The following KIF6 variants were observed in gnomAD, a reference collection of about 807,000 sequenced individuals.
The protein encoded by KIF6 is kinesin-like protein KIF6.
Under a neutral mutation model 112.7 loss-of-function variants are expected in KIF6, and 106 were observed. That is an observed-to-expected ratio of 0.94 (90% CI 0.80 to 1.11). The LOEUF is 1.11. Among genes scored for constraint, KIF6 ranks in the 50% least tolerant of loss-of-function variants. The pLI is 0.00. For missense variants in KIF6, 929 were observed against 964.0 expected (o/e 0.96, Z 0.48); for synonymous variants, 339 against 339.9 (o/e 1.00, Z 0.03).
chr6:39,419,009 C>T (rs1401601181), intron 15 of KIF6, among the ~76,000 whole-genome samples: 1 of 151,946 alleles, frequency 6.6e-6, no homozygotes, highest in Non-Finnish European at 1.5e-5. Flanking sequence ...AGATGGGTCT[C>T]TGTGGTATCT....
At chr6:39,652,125 A>G (rs911136874) in intron 3 of KIF6, among the ~76,000 whole-genome samples, 25 of 152,196 alleles carry the variant, frequency 1.6e-4, no homozygotes, top group African/African-American at 6.0e-4. Context: ...AGAAGGGAAT[A>G]GTGTTCACAA....
rs556633990 is a variant in KIF6, at chr6:39,578,216, G to A, written c.1078-57C>T. ...AACTTCTCATTAAGGTGAACTTGGT[G>A]ACAGAGAACATACAGCTCTTAAAAT... On this transcript the variant is annotated intron_variant, in intron 9 of 22. Coordinates refer to ENST00000287152, the MANE Select transcript of KIF6 (RefSeq NM_145027.6). 58 of 1,120,378 alleles carry A rather than the reference G, an allele frequency of 5.2e-5. No individual in the cohort carries two copies. In the African/African-American group the frequency reaches 8.5e-4, roughly 16 times the overall value. The allele number at this position is 1,120,378 out of a possible 1,614,324, so 69.4% of individuals were successfully genotyped here. A position where few individuals can be genotyped will look rare whatever the true frequency, so the allele number is the denominator to read the frequency against.
At chr6:39,533,419 A>T (rs923821931) in intron 13 of KIF6, among the ~76,000 whole-genome samples, 6 of 152,220 alleles carry the variant, frequency 3.9e-5, no homozygotes, top group African/African-American at 7.2e-5. Context: ...CTAGCACAGC[A>T]GCCTGAGATC....
intron 5 of KIF6, among the ~76,000 whole-genome samples, chr6:39,626,470 C>T (rs546397668): frequency 5.3e-5 from 8 of 152,216 alleles, no homozygotes; most frequent in East Asian, 1.9e-4. Flanking sequence ...TAATGGAACA[C>T]GGTTAATATC....
intron 19 of KIF6, among the ~76,000 whole-genome samples, chr6:39,347,424 G>T (rs943411277): frequency 6.6e-6 from 1 of 152,214 alleles, no homozygotes; most frequent in African/African-American, 2.4e-5. Context: ...CCTTGCCTTG[G>T]ATTCCTGGCC....
intron 19 of KIF6, among the ~76,000 whole-genome samples, chr6:39,348,605 C>T (rs1399582077): frequency 1.3e-5 from 2 of 152,152 alleles, no homozygotes; most frequent in Non-Finnish European, 2.9e-5. Flanking sequence ...CATGTTGACG[C>T]CCCTCTGGAG....
chr6:39,654,243 A>C (rs1189595497), intron 3 of KIF6, among the ~76,000 whole-genome samples: 3 of 152,102 alleles, frequency 2.0e-5, no homozygotes, highest in African/African-American at 7.2e-5. Context: ...TTGAAGATAA[A>C]ATGGAGGTCA....
At chr6:39,662,513 C>T (rs1301672216) in intron 3 of KIF6, among the ~76,000 whole-genome samples, 1 of 152,104 alleles carries the variant, frequency 6.6e-6, no homozygotes, top group Non-Finnish European at 1.5e-5. Context: ...TATATAATAA[C>T]TAAATGTAAA....
chr6:39,712,306 T>C (rs1005760895), intron 3 of KIF6, among the ~76,000 whole-genome samples: 3 of 148,088 alleles, frequency 2.0e-5, no homozygotes, highest in African/African-American at 5.0e-5. Context: ...CAGAAAAAAA[T>C]AGCAAAACTA....
chr6:39,587,731 C>T (rs951998055), intron 7 of KIF6, among the ~76,000 whole-genome samples: 5 of 152,200 alleles, frequency 3.3e-5, no homozygotes, highest in African/African-American at 9.7e-5. Context: ...CCTTCACCTT[C>T]TTATTGTCCT....
At chr6:39,416,808 C>G (rs1213926649) in intron 15 of KIF6, among the ~76,000 whole-genome samples, 1 of 152,180 alleles carries the variant, frequency 6.6e-6, no homozygotes, top group Non-Finnish European at 1.5e-5. Flanking sequence ...ACAGTGGCAA[C>G]CTGAACTTTA....
At chr6:39,355,798 T>A (rs569407940) in intron 19 of KIF6, among the ~76,000 whole-genome samples, 23,275 of 146,810 alleles carry the variant, frequency 0.16, 1,908 homozygotes, top group Middle Eastern at 0.24. Flanking sequence ...TTTTTTTTTT[T>A]AAAGAATAGT....
In KIF6 at chr6:39,330,968, C is replaced by T. The variant is rs35268572; in HGVS notation, c.*5564G>A. 2 of 152,580 alleles carry T rather than the reference C, an allele frequency of 1.3e-5. 1 individual carries two copies. Among genetic ancestry groups the T allele is most frequent in the South Asian group, 4.1e-4 (2 of 4,822 alleles). 9.5% of individuals were successfully genotyped at this position (152,580 alleles called of 1,614,324 possible). ...GTTATGGAAGGAACACTGTCTCCCC[C>T]ACATGCTCACATGGCCCAAATCCCC... On this transcript the variant is annotated 3_prime_UTR_variant, in exon 23 of 23. Transcript: ENST00000287152.
Position 39,530,357 on chromosome 6 carries a change from G to A in KIF6, c.1645+9646C>T, listed in dbSNP as rs189777827. ...CTCTCAGAACACTGACTGGTTCCAG[G>A]TGACTATTTAGAATAGGCAGTCAGA... On this transcript the variant is annotated intron_variant, in intron 13 of 22. Coordinates refer to ENST00000287152, the MANE Select transcript of KIF6 (RefSeq NM_145027.6). Among the ~76,000 whole-genome samples the A allele has an allele frequency of 5.1e-4, 78 of 152,304 alleles. 6 individuals are homozygous for A. The highest frequency in any genetic ancestry group is 1.5e-5 in the Non-Finnish European group (1 of 68,034).
chr6:39,622,047 A>G (rs951087735), intron 5 of KIF6, among the ~76,000 whole-genome samples: 1 of 151,878 alleles, frequency 6.6e-6, no homozygotes, highest in African/African-American at 2.4e-5. Flanking sequence ...GGCACCTGTA[A>G]TCCCAGCTAC....
At chr6:39,435,817 T>G (rs1393231202) in intron 13 of KIF6, among the ~76,000 whole-genome samples, 1 of 152,246 alleles carries the variant, frequency 6.6e-6, no homozygotes, top group Admixed American at 6.5e-5. Context: ...TGCGCTGTGA[T>G]AAACATATGC....
rs759917015 is a variant in KIF6 at position 39,423,028 on chromosome 6, G to C, written c.1755-3025C>G. On this transcript the variant is annotated intron_variant, in intron 14 of 22. Transcript: ENST00000287152. ...CAGCCAGGACCACTGATGAGCGCCC[G>C]AGGGTTTCTTTCTATTGGTGCCAAA... Among the ~76,000 whole-genome samples, 92 of 152,308 alleles carry C rather than the reference G, an allele frequency of 6.0e-4. 1 individual carries two copies. The highest frequency in any genetic ancestry group is 1.2e-3 in the Admixed American group (19 of 15,296).
intron 15 of KIF6, among the ~76,000 whole-genome samples, chr6:39,397,993 A>G (rs559589945): frequency 2.0e-5 from 3 of 152,330 alleles, no homozygotes; most frequent in Admixed American, 6.5e-5. Context: ...TTCAGGTTGA[A>G]TCTTTAGGGG....
chr6:39,537,241 A>C (rs986560691), intron 13 of KIF6, among the ~76,000 whole-genome samples: 7 of 152,324 alleles, frequency 4.6e-5, no homozygotes, highest in Admixed American at 2.0e-4. Flanking sequence ...GAAGGAAATA[A>C]AGGGTACTCA....
Sources: allele counts gnomAD v4.1 joint callset (sites outside exome capture counted in the v4.1 genomes callset), GRCh38; gene constraint gnomAD v4.1.1; transcripts MANE v1.5; gene names NCBI Gene and HGNC (gene_info 2026-07-23, HGNC 2026-07-21).